Variants in XPO6 observed in about 807,000 individuals in gnomAD.
XPO6 encodes exportin 6.
XPO6 carries 3 observed loss-of-function variants against 130.0 expected under a neutral mutation model. That is an observed-to-expected ratio of 0.02 (90% CI 0.01 to 0.06). The LOEUF is 0.06. XPO6 is among the 10% of genes least tolerant of loss of function. The pLI is 1.00. For synonymous variants in XPO6, 524 were observed against 548.9 expected (o/e 0.95, Z 0.63); for missense variants, 970 against 1,393.0 (o/e 0.70, Z 4.83).
intron 11 of XPO6, among the ~76,000 whole-genome samples, chr16:28,133,161 C>T (rs1301482413): frequency 6.6e-6 from 1 of 152,134 alleles, no homozygotes; most frequent in East Asian, 1.9e-4. Flanking sequence ...CACGGTGAAA[C>T]CCCGTCTCCA....
Position 28,211,435 on chromosome 16 carries a change from G to A in XPO6, c.-67C>T. On this transcript the variant is annotated 5_prime_UTR_variant, in exon 1 of 24. Coordinates refer to ENST00000304658, the MANE Select transcript of XPO6 (RefSeq NM_015171.4). ...GCTTCGGACACGTCCCGCTCGCACAGTTCAGGTCATGGTCCCGGCAGACTC... is the reference window on the plus strand; with the variant it reads ...GCTTCGGACACGTCCCGCTCGCACAATTCAGGTCATGGTCCCGGCAGACTC... The A allele has an allele frequency of 4.6e-6, 6 of 1,307,988 alleles. No homozygotes were observed. The highest frequency in any genetic ancestry group is 5.9e-6 in the Non-Finnish European group (6 of 1,019,396). 81.0% of individuals were successfully genotyped at this position (1,307,988 alleles called of 1,614,324 possible).
chr16:28,197,581 C>T (rs1341511155), intron 1 of XPO6, among the ~76,000 whole-genome samples: 4 of 152,014 alleles, frequency 2.6e-5, no homozygotes, highest in South Asian at 4.1e-4. Context: ...AGAATAAACT[C>T]GTGTAACCTT....
chr16:28,110,944 TG>T (rs761673010), intron 17 of XPO6, among the ~76,000 whole-genome samples: 67 of 152,302 alleles, frequency 4.4e-4, no homozygotes, highest in Middle Eastern at 6.8e-3. Context: ...TATGTAACCA[TG>T]AAGCATATTT....
intron 1 of XPO6, among the ~76,000 whole-genome samples, chr16:28,205,675 C>T (rs187696916): frequency 2.0e-5 from 3 of 152,200 alleles, no homozygotes; most frequent in Admixed American, 6.5e-5. Flanking sequence ...AGCAGTGACT[C>T]GCTGTGTGAC....
At chr16:28,198,206 G>A (rs867351455) in intron 1 of XPO6, among the ~76,000 whole-genome samples, 7 of 151,770 alleles carry the variant, frequency 4.6e-5, no homozygotes, top group Admixed American at 6.6e-5. Context: ...GCTATAAAGC[G>A]GAAAAGGCAG....
In XPO6 at chr16:28,162,560, ATTTTTTT is replaced by A. The variant is rs113189417; in HGVS notation, c.643+3941_643+3947del. 2.6e-4 allele frequency among the ~76,000 whole-genome samples: 37 copies of A among 140,090 alleles called. No homozygotes were observed. In the East Asian group the frequency reaches 7.1e-3, roughly 27 times the overall value. 91.9% of individuals were successfully genotyped at this position (140,090 alleles called of 152,430 possible). ...TGAAGACATGGTTGGCATATTTGTA[ATTTTTTT>A]TTTTTTTTTTTGGAGACAGGGTCTT... On this transcript the variant is annotated intron_variant, in intron 6 of 23. Transcript: ENST00000304658.
rs1444824676 is a variant in XPO6 at position 28,098,579 on chromosome 16, G to C, written c.3337C>G (p.Leu1113Val). The C allele has an allele frequency of 6.2e-7, 1 of 1,613,152 alleles. No homozygotes were observed. Among genetic ancestry groups the C allele is most frequent in the Admixed American group, 1.7e-5 (1 of 59,922 alleles). Reference sequence around the variant, plus strand: ...CCAGGGGGCAGGCTGTCGTTGCAGAGTCTGTAGTAGCGCAGGTCGTTGACC... The same window carrying C: ...CCAGGGGGCAGGCTGTCGTTGCAGACTCTGTAGTAGCGCAGGTCGTTGACC... ...RLVNDLRYYR[L>V]CNDSLPPGTV... Residue 1113 changes from leucine to valine, a missense_variant, in exon 24 of 24, where the codon CTC becomes GTC. Physicochemically the swap from Leu to Val is conservative, Grantham distance 32. Coordinates refer to ENST00000304658, the MANE Select transcript of XPO6 (RefSeq NM_015171.4).
At chr16:28,179,937 C>T (rs1034240393) in intron 2 of XPO6, among the ~76,000 whole-genome samples, 46 of 152,148 alleles carry the variant, frequency 3.0e-4, no homozygotes, top group Non-Finnish European at 4.4e-5. Context: ...TGAACATGTT[C>T]AGAAGGTTCT....
intron 21 of XPO6, among the ~76,000 whole-genome samples, chr16:28,104,304 C>G (rs1160933677): frequency 6.6e-6 from 1 of 152,212 alleles, no homozygotes; most frequent in Non-Finnish European, 1.5e-5. Flanking sequence ...TCAAGCATCT[C>G]CAAGTGTCAT....
intron 1 of XPO6, among the ~76,000 whole-genome samples, chr16:28,198,859 T>C (rs2043909550): frequency 6.6e-6 from 1 of 151,614 alleles, no homozygotes; most frequent in African/African-American, 2.4e-5. Context: ...AATAAATAAA[T>C]CTGGCCAGGC....
At chr16:28,185,077 AT>A (rs2043673203) in intron 1 of XPO6, among the ~76,000 whole-genome samples, 1 of 152,272 alleles carries the variant, frequency 6.6e-6, no homozygotes, top group Admixed American at 6.5e-5. Context: ...GGAGAATATT[AT>A]AAGACAACAG....
At chr16:28,163,950 G>T (rs2043317085) in intron 6 of XPO6, among the ~76,000 whole-genome samples, 1 of 152,164 alleles carries the variant, frequency 6.6e-6, no homozygotes, top group South Asian at 2.1e-4. Context: ...CACTATTGCA[G>T]CCAGTTTAGG....
chr16:28,118,080 G>A (rs893680131), intron 14 of XPO6, among the ~76,000 whole-genome samples: 2 of 152,160 alleles, frequency 1.3e-5, no homozygotes, highest in Non-Finnish European at 2.9e-5. Flanking sequence ...CAGTTGTCTC[G>A]GAGCTTCAAA....
chr16:28,111,576 T>A (rs891099110), intron 17 of XPO6: 2 of 420,532 alleles, frequency 4.8e-6, no homozygotes, highest in Admixed American at 3.9e-5. Flanking sequence ...GGCTCCAGCA[T>A]TTTTTACATT....
intron 20 of XPO6, 53 bp from the exon 21 acceptor site, chr16:28,104,760 T>A: frequency 6.2e-7 from 1 of 1,601,276 alleles, no homozygotes; most frequent in Non-Finnish European, 8.5e-7. Flanking sequence ...TGCTCCGGCC[T>A]GGGCCCAGGG....
At chr16:28,191,985 C>T (rs1483699936) in intron 1 of XPO6, among the ~76,000 whole-genome samples, 6 of 152,254 alleles carry the variant, frequency 3.9e-5, no homozygotes, top group Middle Eastern at 3.4e-3. Flanking sequence ...AATGGCTGGG[C>T]GCGGTGGCTC....
At chr16:28,114,199 CAAAAA>C (rs71389524) in intron 15 of XPO6, among the ~76,000 whole-genome samples, 3 of 97,748 alleles carry the variant, frequency 3.1e-5, no homozygotes, top group Non-Finnish European at 4.4e-5. Flanking sequence ...TACATCCTCA[CAAAAA>C]AAAAAAAAAA....
At chr16:28,198,191 C>A (rs1294892374) in intron 1 of XPO6, among the ~76,000 whole-genome samples, 1 of 151,846 alleles carries the variant, frequency 6.6e-6, no homozygotes, top group Non-Finnish European at 1.5e-5. Context: ...TGAAAAGCCA[C>A]TTATGCTATA....
chr16:28,187,268 G>C (rs2043710472), intron 1 of XPO6, among the ~76,000 whole-genome samples: 1 of 152,158 alleles, frequency 6.6e-6, no homozygotes, highest in Non-Finnish European at 1.5e-5. Flanking sequence ...GCAATTTATA[G>C]TTTAACCTTC....
Sources: gnomAD v4.1 joint callset for allele counts (sites outside exome capture counted in the v4.1 genomes callset) on GRCh38, gnomAD v4.1.1 for gene constraint, MANE v1.5 for transcripts, NCBI Gene and HGNC (gene_info 2026-07-23, HGNC 2026-07-21) for gene names.